VEGFB: variants seen among roughly 807,000 people sequenced by gnomAD.
VEGFB encodes the protein vascular endothelial growth factor B, also known as VEGF-related factor.
Under a neutral mutation model 22.5 loss-of-function variants are expected in VEGFB, and 24 were observed. The ratio of observed to expected loss-of-function variants is 1.07; its 90% CI spans 0.77 to 1.50. The LOEUF is 1.50. Ranked by LOEUF, VEGFB falls within the 40% of genes most tolerant of loss-of-function variation. VEGFB has a pLI of 0.00. For missense variants in VEGFB, 327 were observed against 287.8 expected, an observed-to-expected ratio of 1.14 and a Z score of -0.99; for synonymous variants, 141 against 117.4, an observed-to-expected ratio of 1.20 and a Z score of -1.30.
Position 64,235,803 on chromosome 11 carries a change from C to T in VEGFB, c.104-10C>T. ...CAGTGAGGACTTAACCCCTACCGGT[C>T]TGCTCCCAGTGGTGTCATGGATAGA... On this transcript the variant is annotated splice_polypyrimidine_tract_variant and intron_variant, in intron 2 of 6. Coordinates refer to ENST00000309422, the MANE Select transcript of VEGFB (RefSeq NM_003377.5). 1 of 1,613,650 alleles carries T rather than the reference C, an allele frequency of 6.2e-7. No homozygotes were observed. Among genetic ancestry groups the T allele is most frequent in the South Asian group, 1.1e-5 (1 of 91,032 alleles).
chr11:64,236,217 T>C, intron 3 of VEGFB, 37 bp from the exon 4 acceptor site: 1 of 1,608,618 alleles, frequency 6.2e-7, no homozygotes, highest in East Asian at 2.2e-5. Flanking sequence ...TTTCTCTCTC[T>C]CCCTCACTGT....
chr11:64,236,445 G>A, intron 4 of VEGFB, 118 bp downstream of exon 4: 1 of 972,024 alleles, frequency 1.0e-6, no homozygotes, highest in Non-Finnish European at 1.6e-6. Flanking sequence ...GCCGGGCGTG[G>A]TAGCTCACGC....
At chr11:64,235,747 G>A in intron 2 of VEGFB, 66 bp from the exon 3 acceptor site, 1 of 1,581,196 alleles carries the variant, frequency 6.3e-7, no homozygotes, top group East Asian at 2.2e-5. Flanking sequence ...GGACTGGGGA[G>A]GACAGATGCT....
At chr11:64,237,054 G>GA (rs2030104320) in intron 4 of VEGFB, 133 bp from the exon 5 acceptor site, 1 of 745,504 alleles carries the variant, frequency 1.3e-6, no homozygotes, top group African/African-American at 1.8e-5. Flanking sequence ...CTGCACTCCA[G>GA]CCTGGGCAAG....
chr11:64,234,685 G>C lies in VEGFB; in HGVS notation c.-149G>C, dbSNP rs1408322840. ...GCTGCGCTGCCTGCACCCAGGGCTC[G>C]GGAGGGGGCCGCGGAGGAGTCGCCC... On this transcript the variant is annotated 5_prime_UTR_variant, in exon 1 of 7. Transcript: ENST00000309422. The surrounding 1 kb of genome is among the most constrained non-coding windows in gnomAD (Gnocchi z 5.3). 1.3e-5 allele frequency: 2 copies of C among 155,892 alleles called. No homozygotes were observed. Among genetic ancestry groups the C allele is most frequent in the African/African-American group, 2.5e-5 (1 of 39,696 alleles). 9.7% of individuals were successfully genotyped at this position (155,892 alleles called of 1,614,324 possible). A position where few individuals can be genotyped will look rare whatever the true frequency, so the allele number is the denominator to read the frequency against.
In VEGFB at chr11:64,234,857, G is replaced by C; in HGVS notation, c.24G>C (p.Leu8=). MSPLLRR[L]LLAALLQLAP... ...CCATGAGCCCTCTGCTCCGCCGCCT[G>C]CTGCTCGCCGCACTCCTGCAGCTGG... Residue 8 remains leucine, a synonymous_variant, in exon 1 of 7, where the codon CTG becomes CTC. Coordinates refer to ENST00000309422, the MANE Select transcript of VEGFB (RefSeq NM_003377.5). This position sits in a 1 kb window ranked among gnomAD's most constrained non-coding sequence, Gnocchi z 5.3. 3.9e-6 allele frequency: 5 copies of C among 1,289,794 alleles called. No homozygotes were observed. In the South Asian group the frequency reaches 6.8e-5, roughly 18 times the overall value. 79.9% of individuals were successfully genotyped at this position (1,289,794 alleles called of 1,614,324 possible). A position where few individuals can be genotyped will look rare whatever the true frequency, so the allele number is the denominator to read the frequency against.
rs753557187 is a variant in VEGFB, at chr11:64,235,840, G to A, written c.131G>A (p.Arg44His). Residue 44 changes from arginine to histidine, a missense_variant, in exon 3 of 7, where the codon CGC (arginine) becomes CAC (histidine). Transcript: ENST00000309422. ...KVVSWIDVYTRATCQPREVVV... is the reference protein window; with the variant it reads ...KVVSWIDVYTHATCQPREVVV... Reference sequence around the variant, plus strand: ...GTGTCATGGATAGATGTGTATACTCGCGCTACCTGCCAGCCCCGGGAGGTG... The same window carrying A: ...GTGTCATGGATAGATGTGTATACTCACGCTACCTGCCAGCCCCGGGAGGTG... The A allele has an allele frequency of 2.0e-5, 33 of 1,613,828 alleles. No homozygotes were observed. In the East Asian group the frequency reaches 2.2e-4, roughly 11 times the overall value.
At position 64,236,271 on chromosome 11, in the gene VEGFB, C is replaced by T. The variant is rs139655674; in HGVS notation, c.318C>T (p.Tyr106=). 1.2e-5 allele frequency: 20 copies of T among 1,613,988 alleles called. No individual in the cohort carries two copies. The highest frequency in any genetic ancestry group is 1.2e-4 in the South Asian group (11 of 91,082). The change falls in exon 4 of 7, where the codon TAC becomes TAT. Residue 106 remains tyrosine (Y), a synonymous_variant. Transcript: ENST00000309422. ...QVRMQILMIR[Y]PSSQLGEMSL... is the part of the protein sequence containing the mutation. Reference sequence around the variant, plus strand: ...GAGCACAGATCCTCATGATCCGGTACCCGAGCAGTCAGCTGGGGGAGATGT... The same window carrying T: ...GAGCACAGATCCTCATGATCCGGTATCCGAGCAGTCAGCTGGGGGAGATGT...
At chr11:64,238,211 C>T in intron 6 of VEGFB, 145 bp from the exon 7 acceptor site, 1 of 1,017,018 alleles carries the variant, frequency 9.8e-7, no homozygotes, top group South Asian at 1.5e-5. Flanking sequence ...AAGGTTCATC[C>T]TTCGCCCTGC....
Position 64,234,792 on chromosome 11 carries a change from G to A in VEGFB, c.-42G>A, listed in dbSNP as rs1947228537. 1.6e-5 allele frequency: 17 copies of A among 1,044,110 alleles called. No individual in the cohort carries two copies. The highest frequency in any genetic ancestry group is 2.0e-5 in the Non-Finnish European group (17 of 861,512). The allele number at this position is 1,044,110 out of a possible 1,614,324, so 64.7% of individuals were successfully genotyped here. ...CGCCGCCCCCCGCGCCGCCGGGCTA[G>A]GGCGATGCGGGCGCCCCCGGCGGGC... On this transcript the variant is annotated 5_prime_UTR_variant, in exon 1 of 7. It removes the in-frame stop codon of an upstream open reading frame in the 5' UTR. Transcript: ENST00000309422. This position sits in a 1 kb window ranked among gnomAD's most constrained non-coding sequence, Gnocchi z 5.3.
rs1216819804 is a variant in VEGFB at position 64,237,660 on chromosome 11, G to C, written c.*22+5G>C. 6.6e-7 allele frequency: 1 copy of C among 1,515,050 alleles called. No individual in the cohort carries two copies. Among genetic ancestry groups the C allele is most frequent in the East Asian group, 2.5e-5 (1 of 40,332 alleles). 93.9% of individuals were successfully genotyped at this position (1,515,050 alleles called of 1,614,324 possible). ...GCTCAACCCAGACACCTGCAGGTGAGGCGTCTGTGGGGTGGTGTTTGTTTG... is the reference window on the plus strand; with the variant it reads ...GCTCAACCCAGACACCTGCAGGTGACGCGTCTGTGGGGTGGTGTTTGTTTG... On this transcript the variant is annotated splice_donor_5th_base_variant and intron_variant, in intron 6 of 6. Transcript: ENST00000309422.
chr11:64,238,623 G>T lies in VEGFB; in HGVS notation c.*290G>T, dbSNP rs2030264750. 8.5e-6 allele frequency: 5 copies of T among 587,752 alleles called. No homozygotes were observed. In the African/African-American group the frequency reaches 9.3e-5, roughly 11 times the overall value. 36.4% of individuals were successfully genotyped at this position (587,752 alleles called of 1,614,324 possible). On this transcript the variant is annotated 3_prime_UTR_variant, in exon 7 of 7. Coordinates refer to ENST00000309422, the MANE Select transcript of VEGFB (RefSeq NM_003377.5). ...GCAAGAGGGGTCACATACCAGCTCAGGGGAGAATGGAGTACTGTCTCAGTT... is the reference window on the plus strand; with the variant it reads ...GCAAGAGGGGTCACATACCAGCTCATGGGAGAATGGAGTACTGTCTCAGTT...
chr11:64,235,306 A>C, intron 1 of VEGFB, 152 bp from the exon 2 acceptor site: 1 of 742,442 alleles, frequency 1.3e-6, no homozygotes. Flanking sequence ...AGGACAGGTA[A>C]AGCTAGAGCA....
At chr11:64,236,716 CAAAAAAAAAAA>C (rs773789771) in intron 4 of VEGFB, among the ~76,000 whole-genome samples, 45,320 of 74,542 alleles carry the variant, frequency 0.61, 11,495 homozygotes, top group Middle Eastern at 0.69. Context: ...GACTCTGCCA[CAAAAAAAAAAA>C]AAAAAAAAAA....
In VEGFB at chr11:64,234,969, C is replaced by G; in HGVS notation, c.60+76C>G. 1 of 1,200,678 alleles carries G rather than the reference C, an allele frequency of 8.3e-7. No individual in the cohort carries two copies. The allele number at this position is 1,200,678 out of a possible 1,614,324, so 74.4% of individuals were successfully genotyped here. A position where few individuals can be genotyped will look rare whatever the true frequency, so the allele number is the denominator to read the frequency against. On this transcript the variant is annotated intron_variant, in intron 1 of 6. Transcript: ENST00000309422. This position sits in a 1 kb window ranked among gnomAD's most constrained non-coding sequence, Gnocchi z 5.3. The stretch of plus-strand genomic sequence containing the variant: ...GGTTGGCGGAAGTGAGGAGGCGACC[C>G]GCGGCCTCGGCCGAGGGGATCTGCG...
chr11:64,237,890 G>C, intron 6 of VEGFB: 1 of 522,964 alleles, frequency 1.9e-6, no homozygotes, highest in East Asian at 3.0e-5. Flanking sequence ...GTCAAGGGCT[G>C]TGGTGAGGGG....
chr11:64,237,558 C>T lies in VEGFB; in HGVS notation c.549C>T (p.Thr183=). Residue 183 remains threonine (T), a synonymous_variant, in exon 6 of 7, where the codon ACC becomes ACT. Coordinates refer to ENST00000309422, the MANE Select transcript of VEGFB (RefSeq NM_003377.5). The part of the protein sequence containing the change: ...GPSAHAAPST[T]SALTPGPAAA... ...CTGCCCACGCTGCACCCAGCACCAC[C>T]AGCGCCCTGACCCCCGGACCTGCCG... 2 of 1,601,636 alleles carry T rather than the reference C, an allele frequency of 1.2e-6. No homozygotes were observed. Among genetic ancestry groups the T allele is most frequent in the East Asian group, 2.3e-5 (1 of 44,436 alleles).
At position 64,234,971 on chromosome 11, in the gene VEGFB, C is replaced by T. The variant is rs1014619787; in HGVS notation, c.60+78C>T. 1.1e-5 allele frequency: 13 copies of T among 1,177,518 alleles called. No individual in the cohort carries two copies. In the African/African-American group the frequency reaches 2.1e-4, roughly 19 times the overall value. The allele number at this position is 1,177,518 out of a possible 1,614,324, so 72.9% of individuals were successfully genotyped here. On this transcript the variant is annotated intron_variant, in intron 1 of 6. Coordinates refer to ENST00000309422, the MANE Select transcript of VEGFB (RefSeq NM_003377.5). The surrounding 1 kb of genome is among the most constrained non-coding windows in gnomAD (Gnocchi z 5.3). Reference sequence around the variant, plus strand: ...TTGGCGGAAGTGAGGAGGCGACCCGCGGCCTCGGCCGAGGGGATCTGCGGG... The same window carrying T: ...TTGGCGGAAGTGAGGAGGCGACCCGTGGCCTCGGCCGAGGGGATCTGCGGG...
At position 64,237,237 on chromosome 11, in the gene VEGFB, C is replaced by T. The variant is rs2030165456; in HGVS notation, c.410+15C>T. On this transcript the variant is annotated intron_variant, in intron 5 of 6. Coordinates refer to ENST00000309422, the MANE Select transcript of VEGFB (RefSeq NM_003377.5). ...AAGCCAGACAGGTGAGTCTTTTGGA[C>T]TCCAGCTGAGTAGGGGTATGGGGAG... is the stretch of plus-strand genomic sequence containing the variant. The T allele has an allele frequency of 1.2e-6, 2 of 1,607,746 alleles. No homozygotes were observed. The highest frequency in any genetic ancestry group is 1.7e-6 in the Non-Finnish European group (2 of 1,175,226).
Sources: gnomAD v4.1 joint callset for allele counts (sites outside exome capture counted in the v4.1 genomes callset) on GRCh38, gnomAD v4.1.1 for gene constraint, Gnocchi (gnomAD v3.1) non-coding constraint, MANE v1.5 for transcripts, NCBI Gene and HGNC (gene_info 2026-07-23, HGNC 2026-07-21) for gene names.